The following AKAP12 variants were observed in gnomAD, a reference collection of about 807,000 sequenced individuals.
AKAP12 encodes A-kinase anchor protein 12.
AKAP12 carries 32 observed loss-of-function variants against 79.9 expected under a neutral mutation model. The ratio of observed to expected loss-of-function variants is 0.40; its 90% CI spans 0.30 to 0.54. The LOEUF (loss-of-function observed/expected upper bound fraction) is 0.54. Among genes scored for constraint, AKAP12 ranks in the 20% least tolerant of loss-of-function variants. AKAP12 has a pLI of 0.48. For synonymous variants in AKAP12, 808 were observed against 857.0 expected, an observed-to-expected ratio of 0.94 and a Z score of 1.00; for missense variants, 2,074 against 2,177.0, an observed-to-expected ratio of 0.95 and a Z score of 0.94.
chr6:151,324,645 G>T, intron 3 of AKAP12: 1 of 985,422 alleles, frequency 1.0e-6, no homozygotes, highest in Non-Finnish European at 1.2e-6. Context: ...TGTAGGGGAA[G>T]AGCTGGTGTT....
chr6:151,240,301 A>T (rs373773468), intron 1 of AKAP12, 83 bp from the exon 2 acceptor site: 104 of 335,070 alleles, frequency 3.1e-4, no homozygotes, highest in East Asian at 1.6e-3. Context: ...GGCTGTGCTC[A>T]TGTGATGAAG....
rs549498506 is a variant in AKAP12, at chr6:151,284,375, C to T, written c.163-21372C>T. ...GTGTGGTGGCTAACACCTGTAATCC[C>T]GGCACTTTGGGAAGCCGAGGTGGAA... On this transcript the variant is annotated intron_variant, in intron 2 of 4. Coordinates refer to ENST00000402676, the MANE Select transcript of AKAP12 (RefSeq NM_005100.4). 5.3e-5 allele frequency among the ~76,000 whole-genome samples: 8 copies of T among 152,262 alleles called. No individual in the cohort carries two copies. In the East Asian group the frequency reaches 7.7e-4, roughly 15 times the overall value.
At chr6:151,353,815 A>C in intron 4 of AKAP12, 63 bp downstream of exon 4, 1 of 1,196,052 alleles carries the variant, frequency 8.4e-7, no homozygotes, top group Non-Finnish European at 1.2e-6. Context: ...CAAATTTGTT[A>C]CATAAGGAAT....
intron 2 of AKAP12, among the ~76,000 whole-genome samples, chr6:151,288,360 C>CA (rs1274474541): frequency 1.3e-5 from 2 of 151,818 alleles, no homozygotes; most frequent in African/African-American, 4.8e-5. Flanking sequence ...ACGAAAAATA[C>CA]AAAAAAATTA....
At chr6:151,323,272 C>T (rs1285026712) in intron 3 of AKAP12, among the ~76,000 whole-genome samples, 8 of 152,246 alleles carry the variant, frequency 5.3e-5, no homozygotes, top group Non-Finnish European at 1.2e-4. Context: ...CAAATCAGGC[C>T]GGACGCAGTG....
chr6:151,345,918 TGTGTGTGTGTGTGTGAGA>T (rs1320180050), intron 3 of AKAP12, among the ~76,000 whole-genome samples: 2 of 137,932 alleles, frequency 1.4e-5, no homozygotes, highest in African/African-American at 5.9e-5. Flanking sequence ...TGTGTGTGTG[TGTGTGTGTGTGTGTGAGA>T]GAGAGAGAGA....
chr6:151,336,497 C>A (rs895064430), intron 3 of AKAP12, among the ~76,000 whole-genome samples: 9 of 152,172 alleles, frequency 5.9e-5, no homozygotes, highest in Non-Finnish European at 1.2e-4. Flanking sequence ...ATAATCCCAG[C>A]ACTTTGGGAG....
chr6:151,278,412 T>C (rs914004243), intron 2 of AKAP12, among the ~76,000 whole-genome samples: 2 of 151,968 alleles, frequency 1.3e-5, no homozygotes, highest in African/African-American at 4.8e-5. Flanking sequence ...GACAGGGTTT[T>C]GCCATGTTGG....
At chr6:151,305,186 T>TAA (rs1284129667) in intron 2 of AKAP12, among the ~76,000 whole-genome samples, 3 of 145,764 alleles carry the variant, frequency 2.1e-5, no homozygotes, top group African/African-American at 8.2e-5. Context: ...TTTTTTTTTT[T>TAA]AAAACCTACT....
intron 2 of AKAP12, among the ~76,000 whole-genome samples, chr6:151,277,843 CTGA>C (rs566501161): frequency 2.4e-4 from 36 of 152,036 alleles, no homozygotes; most frequent in Non-Finnish European, 4.1e-4. Flanking sequence ...TCTTCTGGTG[CTGA>C]TGTTTTTCCT....
chr6:151,259,498 A>G (rs1436583725), intron 2 of AKAP12, among the ~76,000 whole-genome samples: 9 of 81,346 alleles, frequency 1.1e-4, no homozygotes, highest in Admixed American at 4.0e-4. Flanking sequence ...ACACATATAC[A>G]TGTATATATA....
At chr6:151,310,993 G>A (rs1777087288) in intron 3 of AKAP12, among the ~76,000 whole-genome samples, 1 of 151,986 alleles carries the variant, frequency 6.6e-6, no homozygotes, top group Non-Finnish European at 1.5e-5. Flanking sequence ...TTTTAAAGAG[G>A]CCCTTGCTCT....
At chr6:151,318,921 G>T (rs777812562) in intron 3 of AKAP12, among the ~76,000 whole-genome samples, 1 of 152,190 alleles carries the variant, frequency 6.6e-6, no homozygotes, top group Non-Finnish European at 1.5e-5. Context: ...CTGGGTGACA[G>T]AGTGAGACCC....
chr6:151,274,430 G>T (rs573104678), intron 2 of AKAP12, among the ~76,000 whole-genome samples: 4 of 152,052 alleles, frequency 2.6e-5, no homozygotes, highest in Non-Finnish European at 4.4e-5. Flanking sequence ...TGGAGGAGGT[G>T]GGGGGGTTGG....
At chr6:151,276,229 C>A (rs935112182) in intron 2 of AKAP12, among the ~76,000 whole-genome samples, 2 of 151,986 alleles carry the variant, frequency 1.3e-5, no homozygotes, top group African/African-American at 4.8e-5. Context: ...AAAAAAAAAT[C>A]TTGAATAAAA....
Position 151,240,706 on chromosome 6 carries a change from C to G in AKAP12, c.144C>G (p.Ala48=). The change falls in exon 2 of 5, where the codon GCC becomes GCG. Residue 48 remains alanine (A), a synonymous_variant. Transcript: ENST00000402676. ...CCACCGCGGACCCCGCCATCGCTGC[C>G]TCGGACCCCGCCACCAAGGTACGGG... ...PDTTADPAIA[A]SDPATKLLQK... is the part of the protein sequence containing the mutation. The G allele has an allele frequency of 7.9e-7, 1 of 1,273,714 alleles. No individual in the cohort carries two copies. 78.9% of individuals were successfully genotyped at this position (1,273,714 alleles called of 1,614,324 possible).
chr6:151,246,415 C>T (rs1055501938), intron 2 of AKAP12, among the ~76,000 whole-genome samples: 3 of 152,126 alleles, frequency 2.0e-5, no homozygotes, highest in Non-Finnish European at 4.4e-5. Flanking sequence ...AAGACTCCGT[C>T]TCAAAAACAA....
chr6:151,336,360 C>G (rs1777815300), intron 3 of AKAP12, among the ~76,000 whole-genome samples: 1 of 152,172 alleles, frequency 6.6e-6, no homozygotes, highest in Non-Finnish European at 1.5e-5. Context: ...TTCTATAGCT[C>G]TCTTACTAAT....
chr6:151,299,731 C>T (rs1406515427), intron 2 of AKAP12, among the ~76,000 whole-genome samples: 1 of 150,524 alleles, frequency 6.6e-6, no homozygotes, highest in East Asian at 2.0e-4. Flanking sequence ...TTTAACTACT[C>T]CCCTCTACTG....
Sources: gnomAD v4.1 joint callset for allele counts (sites outside exome capture counted in the v4.1 genomes callset) on GRCh38, gnomAD v4.1.1 for gene constraint, MANE v1.5 for transcripts, NCBI Gene and HGNC (gene_info 2026-07-23, HGNC 2026-07-21) for gene names.